LRMDA: variants seen among roughly 807,000 people sequenced by gnomAD.
The protein encoded by LRMDA is leucine rich melanocyte differentiation associated.
LRMDA carries 18 observed loss-of-function variants against 29.8 expected under a neutral mutation model. That is an observed-to-expected ratio of 0.60 (90% CI 0.42 to 0.90). The LOEUF (loss-of-function observed/expected upper bound fraction) is 0.90, where lower values mean the gene tolerates loss of function less well. Ranked by LOEUF, LRMDA falls within the 40% of genes least tolerant of loss-of-function variation. The pLI is 0.00. For synonymous variants in LRMDA, 125 were observed against 109.4 expected (o/e 1.14, Z -0.89); for missense variants, 273 against 273.9 (o/e 1.00, Z 0.02).
chr10:76,359,646 A>G, intron 6 of LRMDA, among the ~76,000 whole-genome samples: 1 of 152,184 alleles, frequency 6.6e-6, no homozygotes, highest in East Asian at 1.9e-4. Flanking sequence ...AGATCCCCAT[A>G]TTCCCGTGGT....
chr10:76,102,646 TTTTG>T (rs1011701229), intron 5 of LRMDA, among the ~76,000 whole-genome samples: 20 of 152,234 alleles, frequency 1.3e-4, no homozygotes, highest in African/African-American at 4.8e-4. Flanking sequence ...GTTCCATGTC[TTTTG>T]TTTTTTTGTT....
intron 6 of LRMDA, among the ~76,000 whole-genome samples, chr10:76,446,175 C>T (rs980929463): frequency 3.9e-5 from 6 of 152,068 alleles, no homozygotes; most frequent in Admixed American, 3.3e-4. Context: ...ATCAACATTG[C>T]GTTTTTCAGA....
At chr10:76,163,593 T>C (rs1850685932) in intron 5 of LRMDA, among the ~76,000 whole-genome samples, 1 of 152,166 alleles carries the variant, frequency 6.6e-6, no homozygotes, top group Non-Finnish European at 1.5e-5. Context: ...ATGTAATTCA[T>C]ACTTGGCTTA....
intron 6 of LRMDA, among the ~76,000 whole-genome samples, chr10:76,548,450 C>CAAA (rs11340326): frequency 1.7e-4 from 24 of 137,740 alleles, no homozygotes; most frequent in African/African-American, 6.1e-4. Flanking sequence ...TGGCTTGGAC[C>CAAA]AAAAAAAAAA....
At chr10:76,128,210 A>C (rs186026298) in intron 5 of LRMDA, among the ~76,000 whole-genome samples, 321 of 152,332 alleles carry the variant, frequency 2.1e-3, no homozygotes, top group African/African-American at 7.2e-3. Context: ...AGCGGGTTCT[A>C]GATGGCAACA....
intron 2 of LRMDA, among the ~76,000 whole-genome samples, chr10:75,646,662 A>T (rs1432813504): frequency 6.6e-6 from 1 of 152,238 alleles, no homozygotes; most frequent in African/African-American, 2.4e-5. Context: ...AAAAATAATC[A>T]GCCCCCTCTA....
chr10:75,941,113 A>G (rs558792679), intron 2 of LRMDA, among the ~76,000 whole-genome samples: 19 of 152,312 alleles, frequency 1.2e-4, no homozygotes, highest in African/African-American at 4.6e-4. Context: ...TCATTCTGCA[A>G]ATATCAACAA....
At chr10:76,268,346 G>GTCC (rs1840029578) in intron 5 of LRMDA, among the ~76,000 whole-genome samples, 1 of 152,194 alleles carries the variant, frequency 6.6e-6, no homozygotes, top group South Asian at 2.1e-4. Context: ...ATTCCTGGAT[G>GTCC]TCCTGCTTCT....
chr10:75,589,886 C>G (rs1457663345), intron 2 of LRMDA, among the ~76,000 whole-genome samples: 1 of 151,402 alleles, frequency 6.6e-6, no homozygotes, highest in African/African-American at 2.4e-5. Flanking sequence ...GTAACTGGTC[C>G]TTTTTATGTG....
intron 2 of LRMDA, among the ~76,000 whole-genome samples, chr10:75,507,612 GAGCCAGT>G (rs1422140915): frequency 6.6e-6 from 1 of 152,064 alleles, no homozygotes; most frequent in Admixed American, 6.6e-5. Flanking sequence ...CATTGTTTCG[GAGCCAGT>G]TCCTATTCTG....
chr10:76,420,930 C>A (rs1029986381), intron 6 of LRMDA, among the ~76,000 whole-genome samples: 2 of 152,058 alleles, frequency 1.3e-5, no homozygotes, highest in Non-Finnish European at 2.9e-5. Flanking sequence ...TGCTTTATAG[C>A]CTGGAATATG....
At chr10:76,321,160 C>G (rs961413132) in intron 5 of LRMDA, among the ~76,000 whole-genome samples, 1 of 152,096 alleles carries the variant, frequency 6.6e-6, no homozygotes, top group Non-Finnish European at 1.5e-5. Context: ...TGTTTTATGT[C>G]TCAATTTGCA....
At chr10:76,422,356 T>C (rs1229831650) in intron 6 of LRMDA, among the ~76,000 whole-genome samples, 2 of 152,066 alleles carry the variant, frequency 1.3e-5, no homozygotes, top group Non-Finnish European at 2.9e-5. Context: ...TCTACACATA[T>C]TTAGCTCAGC....
At chr10:76,424,940 T>G (rs1314038798) in intron 6 of LRMDA, among the ~76,000 whole-genome samples, 1 of 152,216 alleles carries the variant, frequency 6.6e-6, no homozygotes, top group African/African-American at 2.4e-5. Flanking sequence ...CTTCTAAACC[T>G]TAACCCATCT....
intron 2 of LRMDA, among the ~76,000 whole-genome samples, chr10:75,907,520 G>A (rs1002421939): frequency 1.8e-4 from 28 of 152,190 alleles, no homozygotes; most frequent in African/African-American, 3.1e-4. Context: ...CTCATTGGCC[G>A]CATCAATCAT....
chr10:75,458,671 AC>A (rs1844549411), intron 2 of LRMDA, among the ~76,000 whole-genome samples: 1 of 152,004 alleles, frequency 6.6e-6, no homozygotes, highest in African/African-American at 2.4e-5. Context: ...TTATCACCTA[AC>A]CCTCTACAGC....
chr10:75,877,419 T>C (rs936976452), intron 2 of LRMDA, among the ~76,000 whole-genome samples: 1 of 152,232 alleles, frequency 6.6e-6, no homozygotes, highest in Non-Finnish European at 1.5e-5. Context: ...CCAATACAGT[T>C]ACCCTTTTAG....
chr10:76,325,571 G>A (rs1298072944), intron 6 of LRMDA, among the ~76,000 whole-genome samples: 1 of 152,062 alleles, frequency 6.6e-6, no homozygotes, highest in African/African-American at 2.4e-5. Flanking sequence ...ACTGTTTTTG[G>A]GGGAATTTCC....
At chr10:76,116,682 C>G (rs1849672144) in intron 5 of LRMDA, among the ~76,000 whole-genome samples, 2 of 152,188 alleles carry the variant, frequency 1.3e-5, no homozygotes, top group Non-Finnish European at 2.9e-5. Context: ...GGGCAAGCAG[C>G]CTTCCCAGAT....
Sources: allele counts gnomAD v4.1 joint callset (sites outside exome capture counted in the v4.1 genomes callset), GRCh38; gene constraint gnomAD v4.1.1; transcripts MANE v1.5; gene names NCBI Gene and HGNC (gene_info 2026-07-23, HGNC 2026-07-21).